Variants in DDC observed in about 807,000 individuals in gnomAD.
DDC encodes dopa decarboxylase, also known as aromatic-L-amino-acid decarboxylase.
A neutral mutation model predicts 60.0 loss-of-function variants in DDC; 43 were observed. The observed-to-expected ratio is 0.72, with a 90% CI of 0.56 to 0.92. DDC has a LOEUF of 0.92. Ranked by LOEUF, DDC falls within the 40% of genes least tolerant of loss-of-function variation. The probability of loss-of-function intolerance (pLI) is 0.00; values close to 1 mark genes in which losing one functional copy is unlikely to be tolerated. For missense variants in DDC, 573 were observed against 620.2 expected (o/e 0.92, Z 0.81); for synonymous variants, 232 against 234.6 (o/e 0.99, Z 0.10).
chr7:50,507,308 G>C (rs2043425935), intron 6 of DDC, among the ~76,000 whole-genome samples: 1 of 151,968 alleles, frequency 6.6e-6, no homozygotes, highest in Non-Finnish European at 1.5e-5. Flanking sequence ...TGCGATCTCA[G>C]CTCACTGCAA....
At chr7:50,466,493 GAAAAAAAAAAAAAA>G (rs57396757) in intron 13 of DDC, among the ~76,000 whole-genome samples, 21 of 64,088 alleles carry the variant, frequency 3.3e-4, no homozygotes, top group African/African-American at 9.1e-4. Context: ...TCTCCAAAAA[GAAAAAAAAAAAAAA>G]AAAAAAAAAA....
At chr7:50,459,898 G>A (rs1284398251) in intron 14 of DDC, among the ~76,000 whole-genome samples, 10 of 140,178 alleles carry the variant, frequency 7.1e-5, no homozygotes, top group South Asian at 2.2e-4. Context: ...TCAGCCCCCC[G>A]CCCGGCCAGC....
Position 50,492,604 on chromosome 7 carries a change from C to T in DDC, c.944+2746G>A, listed in dbSNP as rs571277133. On this transcript the variant is annotated intron_variant, in intron 9 of 14. Coordinates refer to ENST00000444124, the MANE Select transcript of DDC (RefSeq NM_001082971.2). ...AGAGGATGGGAACTAACCCCATCACCCTTCTCTTGTGGCAGACTTCCAGAC... is the reference window on the plus strand; with the variant it reads ...AGAGGATGGGAACTAACCCCATCACTCTTCTCTTGTGGCAGACTTCCAGAC... 1.1e-5 allele frequency: 10 copies of T among 924,736 alleles called. No homozygotes were observed. In the South Asian group the frequency reaches 1.9e-4, roughly 17 times the overall value. The allele number at this position is 924,736 out of a possible 1,614,324, so 57.3% of individuals were successfully genotyped here. A position where few individuals can be genotyped will look rare whatever the true frequency, so the allele number is the denominator to read the frequency against.
At chr7:50,546,231 T>A (rs2044803857) in intron 1 of DDC, among the ~76,000 whole-genome samples, 2 of 152,118 alleles carry the variant, frequency 1.3e-5, no homozygotes, top group Non-Finnish European at 2.9e-5. Context: ...TTAAAGGTGG[T>A]AAAGAAAAAT....
At chr7:50,461,910 G>A (rs560621254) in intron 14 of DDC, among the ~76,000 whole-genome samples, 10 of 152,078 alleles carry the variant, frequency 6.6e-5, no homozygotes, top group Non-Finnish European at 1.2e-4. Flanking sequence ...TGGTTCTCAG[G>A]GCACATTTTG....
intron 6 of DDC, among the ~76,000 whole-genome samples, chr7:50,525,098 G>T (rs1480627090): frequency 6.6e-6 from 1 of 152,166 alleles, no homozygotes; most frequent in Non-Finnish European, 1.5e-5. Flanking sequence ...GTCACATATT[G>T]TATAATTCCA....
chr7:50,487,279 T>TTAGTCTCAAAACTGTCCC (rs753584287), intron 9 of DDC, among the ~76,000 whole-genome samples: 25 of 152,184 alleles, frequency 1.6e-4, no homozygotes, highest in Admixed American at 3.9e-4. Context: ...TTTGGTAAAG[T>TTAGTCTCAAAACTGTCCC]TAGTCTCAAA....
chr7:50,533,341 A>C (rs941300909), intron 4 of DDC, among the ~76,000 whole-genome samples: 2 of 149,568 alleles, frequency 1.3e-5, no homozygotes, highest in African/African-American at 4.9e-5. Flanking sequence ...TGTCACCCCG[A>C]CTGGAGTGCA....
chr7:50,510,046 C>T (rs1230587239), intron 6 of DDC, among the ~76,000 whole-genome samples: 1 of 152,054 alleles, frequency 6.6e-6, no homozygotes, highest in Admixed American at 6.5e-5. Flanking sequence ...TCTCAGCTCA[C>T]TGCAAGCTCC....
At chr7:50,492,988 C>A (rs1448202061) in intron 9 of DDC, 2 of 1,598,198 alleles carry the variant, frequency 1.3e-6, no homozygotes, top group South Asian at 1.1e-5. Context: ...CCTTAACATA[C>A]GCACTGGTTG....
chr7:50,558,383 A>G (rs879719108), intron 1 of DDC, among the ~76,000 whole-genome samples: 2 of 152,206 alleles, frequency 1.3e-5, no homozygotes, highest in Admixed American at 6.5e-5. Context: ...ATTGACTTCT[A>G]CATTCACAGT....
intron 11 of DDC, among the ~76,000 whole-genome samples, chr7:50,472,924 C>T (rs2042564959): frequency 6.6e-6 from 1 of 152,144 alleles, no homozygotes. Context: ...TCTCCCCAGA[C>T]CGCCTTAGGT....
chr7:50,519,112 T>C (rs1030614972), intron 6 of DDC, among the ~76,000 whole-genome samples: 6 of 130,484 alleles, frequency 4.6e-5, no homozygotes, highest in Non-Finnish European at 8.3e-5. Flanking sequence ...AAAGAAGATA[T>C]ACAAATGGCC....
intron 1 of DDC, among the ~76,000 whole-genome samples, chr7:50,555,569 C>T (rs1171249986): frequency 6.6e-6 from 1 of 152,140 alleles, no homozygotes; most frequent in Non-Finnish European, 1.5e-5. Flanking sequence ...TTGCGACTGT[C>T]TTACACTTGT....
intron 6 of DDC, among the ~76,000 whole-genome samples, chr7:50,516,133 C>A (rs189429558): frequency 3.9e-4 from 59 of 152,250 alleles, no homozygotes; most frequent in African/African-American, 1.4e-3. Context: ...ACATTCCGTT[C>A]AACAGCGCAT....
chr7:50,553,086 G>T (rs2045062726), intron 1 of DDC, among the ~76,000 whole-genome samples: 1 of 152,220 alleles, frequency 6.6e-6, no homozygotes, highest in African/African-American at 2.4e-5. Flanking sequence ...AGCACCATGG[G>T]CAAGCCCATC....
intron 2 of DDC, among the ~76,000 whole-genome samples, chr7:50,540,500 A>C (rs1006662039): frequency 7.9e-5 from 12 of 152,018 alleles, no homozygotes; most frequent in Non-Finnish European, 1.6e-4. Flanking sequence ...ACAAACAAAA[A>C]AAAAAACCAA....
At chr7:50,538,692 T>C (rs975108156) in intron 3 of DDC, among the ~76,000 whole-genome samples, 1 of 152,184 alleles carries the variant, frequency 6.6e-6, no homozygotes, top group African/African-American at 2.4e-5. Flanking sequence ...TGAGAGATAG[T>C]GAGGCACTCC....
intron 1 of DDC, among the ~76,000 whole-genome samples, chr7:50,547,503 C>T (rs1472960729): frequency 6.6e-6 from 1 of 152,188 alleles, no homozygotes; most frequent in Non-Finnish European, 1.5e-5. Flanking sequence ...AGGCATGAGC[C>T]ACCGCACCTG....
Sources: allele counts gnomAD v4.1 joint callset (sites outside exome capture counted in the v4.1 genomes callset), GRCh38; gene constraint gnomAD v4.1.1; transcripts MANE v1.5; gene names NCBI Gene and HGNC (gene_info 2026-07-23, HGNC 2026-07-21).